Variants in TOGARAM2 observed in about 807,000 individuals in gnomAD.
TOGARAM2 encodes the protein TOG array regulator of axonemal microtubules 2, also known as TOG array regulator of axonemal microtubules protein 2.
TOGARAM2 carries 85 observed loss-of-function variants against 93.3 expected under a neutral mutation model. The observed-to-expected ratio is 0.91, with a 90% CI of 0.76 to 1.09. The LOEUF (loss-of-function observed/expected upper bound fraction) is 1.09. Ranked by LOEUF, TOGARAM2 falls within the 50% of genes least tolerant of loss-of-function variation. The pLI, the probability that TOGARAM2 is intolerant of heterozygous loss-of-function variation, is 0.00. For synonymous variants in TOGARAM2, 593 were observed against 552.8 expected (o/e 1.07, Z -1.02); for missense variants, 1,277 against 1,334.5 (o/e 0.96, Z 0.67).
At chr2:29,031,264 G>C (rs1207195083) in intron 14 of TOGARAM2, among the ~76,000 whole-genome samples, 1 of 152,144 alleles carries the variant, frequency 6.6e-6, no homozygotes, top group East Asian at 1.9e-4. Flanking sequence ...TGAACTCCTG[G>C]GCTCATGTAA....
chr2:29,024,443 G>A, intron 13 of TOGARAM2, 69 bp downstream of exon 13: 1 of 674,602 alleles, frequency 1.5e-6, no homozygotes, highest in Non-Finnish European at 2.4e-6. Flanking sequence ...GAGGCCCTGG[G>A]ATGTGAAAGA....
intron 14 of TOGARAM2, 54 bp from the exon 15 acceptor site, chr2:29,032,880 T>G: frequency 6.8e-7 from 1 of 1,473,124 alleles, no homozygotes; most frequent in South Asian, 1.2e-5. Flanking sequence ...GTAAAGCAAA[T>G]TTATTTTGCA....
chr2:28,999,215 C>A lies in TOGARAM2; in HGVS notation c.174C>A (p.Asn58Lys). 1 of 1,613,776 alleles carries A rather than the reference C, an allele frequency of 6.2e-7. No individual in the cohort carries two copies. Among genetic ancestry groups the A allele is most frequent in the African/African-American group, 1.3e-5 (1 of 75,046 alleles). ...AGCCTGAGCCAAGAGCCCTGCTGAA[C>A]AACGAGGAACCGTCACAGCTCCTGC... ...SLQPEPRALLNNEEPSQLLRG... is the reference protein window; with the variant it reads ...SLQPEPRALLKNEEPSQLLRG... Residue 58 changes from asparagine to lysine, a missense_variant, in exon 4 of 20, where the codon AAC becomes AAA. Coordinates refer to ENST00000379558, the MANE Select transcript of TOGARAM2 (RefSeq NM_199280.4).
chr2:28,993,038 T>C (rs907397369), intron 1 of TOGARAM2, among the ~76,000 whole-genome samples: 4 of 132,364 alleles, frequency 3.0e-5, no homozygotes, highest in Non-Finnish European at 6.2e-5. Flanking sequence ...CCAGCCTGGG[T>C]GGCAGAGAGA....
At chr2:29,035,739 G>C (rs1281714762) in intron 17 of TOGARAM2, 83 bp downstream of exon 17, 1 of 1,259,120 alleles carries the variant, frequency 7.9e-7, no homozygotes, top group East Asian at 3.0e-5. Flanking sequence ...GAATGGCGTT[G>C]GACATGTGTC....
At position 29,040,620 on chromosome 2, in the gene TOGARAM2, C is replaced by T. The variant is rs547847037; in HGVS notation, c.2635+3863C>T. 1.5e-3 allele frequency among the ~76,000 whole-genome samples: 233 copies of T among 152,320 alleles called. 2 individuals carry two copies. The highest frequency in any genetic ancestry group is 2.3e-3 in the Non-Finnish European group (158 of 68,026). On this transcript the variant is annotated intron_variant, in intron 18 of 19. Coordinates refer to ENST00000379558, the MANE Select transcript of TOGARAM2 (RefSeq NM_199280.4). The stretch of plus-strand genomic sequence containing the variant: ...TATGAGGCACATCTGAGCTCCCGAC[C>T]TTCCCTTGGAACATGAGCCATACAG...
At chr2:29,012,389 C>CAAG (rs1035479057) in intron 7 of TOGARAM2, among the ~76,000 whole-genome samples, 4 of 152,212 alleles carry the variant, frequency 2.6e-5, no homozygotes, top group African/African-American at 9.6e-5. Context: ...GGACCTGGCA[C>CAAG]AAGAAACCTC....
chr2:29,051,832 G>A lies in TOGARAM2; in HGVS notation c.2799G>A (p.Leu933=). 1 of 1,565,946 alleles carries A rather than the reference G, an allele frequency of 6.4e-7. No homozygotes were observed. Among genetic ancestry groups the A allele is most frequent in the Non-Finnish European group, 8.7e-7 (1 of 1,155,280 alleles). The change falls in exon 20 of 20, where the codon CTG becomes CTA. Residue 933 remains leucine, a synonymous_variant. Coordinates refer to ENST00000379558, the MANE Select transcript of TOGARAM2 (RefSeq NM_199280.4). ...RHVLPILWHF[L]NTATRNGTLP... ...TCCTTCCCATCCTCTGGCACTTCCT[G>A]AACACCGCCACCAGGAATGGCACCC...
chr2:29,047,483 A>G (rs754448760), intron 19 of TOGARAM2: 11 of 152,240 alleles, frequency 7.2e-5, no homozygotes, highest in Admixed American at 1.3e-4. Context: ...GAAAATTTTT[A>G]TTGACACAGG....
chr2:28,975,928 T>C (rs551497698), intron 1 of TOGARAM2, among the ~76,000 whole-genome samples: 2 of 152,292 alleles, frequency 1.3e-5, no homozygotes, highest in Non-Finnish European at 2.9e-5. Flanking sequence ...TGGGCCCTGC[T>C]GGTGGAGGCT....
intron 4 of TOGARAM2, among the ~76,000 whole-genome samples, chr2:28,999,934 G>C (rs947723943): frequency 6.6e-6 from 1 of 152,014 alleles, no homozygotes; most frequent in Non-Finnish European, 1.5e-5. Flanking sequence ...CTGAGGTTTA[G>C]AGCCACTGCT....
rs879065936 is a variant in TOGARAM2 at position 29,022,351 on chromosome 2, C to G, written c.1511+43C>G. The G allele has an allele frequency of 2.5e-6, 4 of 1,606,506 alleles. No individual in the cohort carries two copies. In the Admixed American group the frequency reaches 6.8e-5, roughly 27 times the overall value. On this transcript the variant is annotated intron_variant, in intron 11 of 19. Transcript: ENST00000379558. ...CCACGTGCTGTGTTCTGGCCGGAAG[C>G]AGGGGCTGTTGCAGAATAGCTTCTG...
chr2:29,045,230 C>A, intron 18 of TOGARAM2, 94 bp from the exon 19 acceptor site: 1 of 957,376 alleles, frequency 1.0e-6, no homozygotes, highest in Non-Finnish European at 1.6e-6. Context: ...GCCTCATCCC[C>A]TTGCAGGTAC....
intron 1 of TOGARAM2, among the ~76,000 whole-genome samples, chr2:28,988,281 G>A (rs73922927): frequency 0.017 from 2,536 of 152,230 alleles, 82 homozygotes; most frequent in African/African-American, 0.058. Context: ...ATATGTCTCC[G>A]TGACTGTTCA....
intron 10 of TOGARAM2, 119 bp downstream of exon 10, chr2:29,018,075 C>A (rs1664705688): frequency 1.7e-6 from 2 of 1,182,256 alleles, no homozygotes; most frequent in Non-Finnish European, 2.3e-6. Flanking sequence ...CATGTTAGAC[C>A]AGGAGGCAGC....
intron 6 of TOGARAM2, among the ~76,000 whole-genome samples, chr2:29,009,815 A>C (rs919140739): frequency 1.3e-5 from 2 of 150,944 alleles, no homozygotes; most frequent in African/African-American, 4.9e-5. Context: ...GAGGAGCCTG[A>C]GCGGTGGTGG....
intron 16 of TOGARAM2, among the ~76,000 whole-genome samples, chr2:29,034,880 A>G (rs1048907345): frequency 1.3e-5 from 2 of 152,194 alleles, no homozygotes; most frequent in African/African-American, 4.8e-5. Flanking sequence ...GGCCAGGTGC[A>G]GTGGCTCACA....
At position 29,043,558 on chromosome 2, in the gene TOGARAM2, G is replaced by GC. The variant is rs1199903309; in HGVS notation, c.2636-1765dup. On this transcript the variant is annotated intron_variant, in intron 18 of 19. Transcript: ENST00000379558. ...AGCTCCTGGGTCCCAGGATACACGT[G>GC]CTGGGCTGCTGTGGTAACACCACAT... is the stretch of plus-strand genomic sequence containing the variant. 1.9e-4 allele frequency among the ~76,000 whole-genome samples: 18 copies of GC among 97,026 alleles called. No individual in the cohort carries two copies. The Admixed American group carries it at 2.2e-3, about 12-fold the overall frequency. 63.7% of individuals were successfully genotyped at this position (97,026 alleles called of 152,430 possible). A position where few individuals can be genotyped will look rare whatever the true frequency, so the allele number is the denominator to read the frequency against.
intron 14 of TOGARAM2, among the ~76,000 whole-genome samples, chr2:29,031,594 C>T (rs888892348): frequency 2.0e-5 from 3 of 152,182 alleles, no homozygotes; most frequent in Non-Finnish European, 4.4e-5. Context: ...GGCATGGCAA[C>T]GTCAGTGGAT....
Sources: gnomAD v4.1 joint callset for allele counts (sites outside exome capture counted in the v4.1 genomes callset) on GRCh38, gnomAD v4.1.1 for gene constraint, MANE v1.5 for transcripts, NCBI Gene and HGNC (gene_info 2026-07-23, HGNC 2026-07-21) for gene names.